The following PAG1 variants were observed in gnomAD, a reference collection of about 807,000 sequenced individuals.
The protein encoded by PAG1 is phosphoprotein associated with glycosphingolipid-enriched microdomains 1.
A neutral mutation model predicts 31.7 loss-of-function variants in PAG1; 23 were observed. The ratio of observed to expected loss-of-function variants is 0.73; its 90% CI spans 0.52 to 1.03. The LOEUF (loss-of-function observed/expected upper bound fraction) is 1.03, where lower values mean the gene tolerates loss of function less well. PAG1 is among the 50% of genes least tolerant of loss of function. The probability of loss-of-function intolerance (pLI) is 0.00; values close to 1 mark genes in which losing one functional copy is unlikely to be tolerated. For synonymous variants in PAG1, 214 were observed against 210.3 expected, an observed-to-expected ratio of 1.02 and a Z score of -0.15; for missense variants, 473 against 540.7, an observed-to-expected ratio of 0.87 and a Z score of 1.24.
chr8:81,036,468 TCA>T (rs1808463604), intron 2 of PAG1, among the ~76,000 whole-genome samples: 1 of 152,178 alleles, frequency 6.6e-6, no homozygotes, highest in African/African-American at 2.4e-5. Context: ...TAGTACATTA[TCA>T]ATATAACAGA....
chr8:81,105,869 C>T (rs751272318), intron 1 of PAG1, among the ~76,000 whole-genome samples: 14 of 152,204 alleles, frequency 9.2e-5, no homozygotes, highest in South Asian at 8.3e-4. Flanking sequence ...TCTCTCAACA[C>T]GGAGATGGCA....
intron 3 of PAG1, among the ~76,000 whole-genome samples, chr8:81,021,834 G>T (rs1354182860): frequency 2.6e-5 from 4 of 152,128 alleles, no homozygotes; most frequent in Non-Finnish European, 5.9e-5. Context: ...GAATGTAGTA[G>T]AGTAGTGTGA....
At chr8:81,010,161 A>G (rs753683415) in intron 3 of PAG1, among the ~76,000 whole-genome samples, 11 of 152,204 alleles carry the variant, frequency 7.2e-5, no homozygotes, top group Non-Finnish European at 1.3e-4. Context: ...GCAATATAAA[A>G]CAGATACAGC....
chr8:81,081,535 A>G (rs1386963839), intron 1 of PAG1, among the ~76,000 whole-genome samples: 1 of 152,108 alleles, frequency 6.6e-6, no homozygotes, highest in Non-Finnish European at 1.5e-5. Flanking sequence ...TCCATCACCA[A>G]GTATTACTCA....
At chr8:81,048,939 C>G (rs186652975) in intron 2 of PAG1, among the ~76,000 whole-genome samples, 2 of 152,208 alleles carry the variant, frequency 1.3e-5, no homozygotes, top group Admixed American at 6.5e-5. Context: ...TAAGGACATA[C>G]AGAGAAAATA....
chr8:81,038,549 A>T (rs1160851435), intron 2 of PAG1, among the ~76,000 whole-genome samples: 1 of 152,110 alleles, frequency 6.6e-6, no homozygotes, highest in Non-Finnish European at 1.5e-5. Context: ...CCGTGTGTGA[A>T]CTGGGGGTTG....
At chr8:81,007,999 A>T (rs1807916410) in intron 3 of PAG1, among the ~76,000 whole-genome samples, 1 of 152,230 alleles carries the variant, frequency 6.6e-6, no homozygotes, top group Non-Finnish European at 1.5e-5. Flanking sequence ...AAGAAAACTC[A>T]TCTAGGAAAA....
intron 1 of PAG1, among the ~76,000 whole-genome samples, chr8:81,102,838 C>T (rs1809630479): frequency 6.6e-6 from 1 of 152,138 alleles, no homozygotes; most frequent in Non-Finnish European, 1.5e-5. Context: ...ATAATAGCTG[C>T]TTTGGCAAGA....
chr8:80,968,754 T>G lies in PAG1; in HGVS notation c.*7790A>C, dbSNP rs554943860. Reference sequence around the variant, plus strand: ...ATATTATATTATCTACAAACCAGGTTTATTCCTGAGTTTAAAAAGAAGAAA... The same window carrying G: ...ATATTATATTATCTACAAACCAGGTGTATTCCTGAGTTTAAAAAGAAGAAA... On this transcript the variant is annotated 3_prime_UTR_variant, in exon 9 of 9. Transcript: ENST00000220597. 2.1e-4 allele frequency: 32 copies of G among 152,326 alleles called. No homozygotes were observed. Among genetic ancestry groups the G allele is most frequent in the Admixed American group, 1.6e-3 (24 of 15,296 alleles). 9.4% of individuals were successfully genotyped at this position (152,326 alleles called of 1,614,324 possible).
rs1311913799 is a variant in PAG1 at position 80,990,337 on chromosome 8, C to G, written c.177+1142G>C. Among the ~76,000 whole-genome samples the G allele has an allele frequency of 6.6e-6, 1 of 152,106 alleles. No homozygotes were observed. The highest frequency in any genetic ancestry group is 1.5e-5 in the Non-Finnish European group (1 of 67,998). On this transcript the variant is annotated intron_variant, in intron 5 of 8. Coordinates refer to ENST00000220597, the MANE Select transcript of PAG1 (RefSeq NM_018440.4). This position sits in a 1 kb window ranked among gnomAD's most constrained non-coding sequence, Gnocchi z 5.1. The stretch of plus-strand genomic sequence containing the variant: ...GAATTGGCAGGTCAGGAAGCCTAGA[C>G]TGGAGATGCCCCTGGTCATCTCTGC...
At chr8:81,017,857 G>T (rs1808098585) in intron 3 of PAG1, among the ~76,000 whole-genome samples, 1 of 152,116 alleles carries the variant, frequency 6.6e-6, no homozygotes, top group African/African-American at 2.4e-5. Flanking sequence ...CAGCCCCTTG[G>T]GTAATTTTAC....
rs148346694 is a variant in PAG1, at chr8:81,100,501, C to T, written c.-234+11090G>A. Among the ~76,000 whole-genome samples, 1,192 of 152,288 alleles carry T rather than the reference C, an allele frequency of 7.8e-3. 19 individuals are homozygous for T. The highest frequency in any genetic ancestry group is 0.026 in the African/African-American group (1,074 of 41,544). Reference sequence around the variant, plus strand: ...TGTATAGCAGCATCCCTGGCCTCTACCCACCAGATGCCAGTAGCATCCCCA... The same window carrying T: ...TGTATAGCAGCATCCCTGGCCTCTATCCACCAGATGCCAGTAGCATCCCCA... On this transcript the variant is annotated intron_variant, in intron 1 of 8. Coordinates refer to ENST00000220597, the MANE Select transcript of PAG1 (RefSeq NM_018440.4).
chr8:81,049,954 G>A (rs1808701045), intron 2 of PAG1, among the ~76,000 whole-genome samples: 1 of 152,100 alleles, frequency 6.6e-6, no homozygotes, highest in Non-Finnish European at 1.5e-5. Context: ...CTGGGACTGG[G>A]GATGGAGAAG....
At chr8:81,012,896 A>G (rs1015061522) in intron 3 of PAG1, among the ~76,000 whole-genome samples, 13 of 152,236 alleles carry the variant, frequency 8.5e-5, no homozygotes, top group African/African-American at 2.9e-4. Flanking sequence ...CTAAGTCTAC[A>G]TACCAGAATT....
At position 81,022,926 on chromosome 8, in the gene PAG1, T is replaced by C. The variant is rs140922883; in HGVS notation, c.-81+7070A>G. Among the ~76,000 whole-genome samples the C allele has an allele frequency of 3.7e-3, 568 of 152,300 alleles. 3 individuals are homozygous for C. Among genetic ancestry groups the C allele is most frequent in the African/African-American group, 0.012 (515 of 41,566 alleles). On this transcript the variant is annotated intron_variant, in intron 3 of 8. Coordinates refer to ENST00000220597, the MANE Select transcript of PAG1 (RefSeq NM_018440.4). ...CTTCTGCAACTGACCAGACCTCATA[T>C]TATCCAATTACCAGTAATCTACTCA...
chr8:81,031,462 A>C (rs989604812), intron 2 of PAG1, among the ~76,000 whole-genome samples: 2 of 152,224 alleles, frequency 1.3e-5, no homozygotes, highest in Non-Finnish European at 2.9e-5. Context: ...CCATGCAGAT[A>C]TATTTAGATG....
intron 3 of PAG1, among the ~76,000 whole-genome samples, chr8:80,998,130 T>C (rs1807718347): frequency 3.2e-4 from 1 of 3,174 alleles, no homozygotes; most frequent in African/African-American, 3.4e-3. Flanking sequence ...CAGGTGTCCT[T>C]TTTTTTTTTT....
At chr8:81,101,197 A>G (rs1809605462) in intron 1 of PAG1, among the ~76,000 whole-genome samples, 1 of 152,204 alleles carries the variant, frequency 6.6e-6, no homozygotes, top group Non-Finnish European at 1.5e-5. Context: ...CCCCAAGACT[A>G]AAAAGCTGTT....
chr8:80,993,560 G>A (rs976612334), intron 3 of PAG1, among the ~76,000 whole-genome samples: 3 of 150,848 alleles, frequency 2.0e-5, no homozygotes, highest in Admixed American at 6.6e-5. Flanking sequence ...AGCAATGGAT[G>A]TCTTATCTTG....
Sources: gnomAD v4.1 joint callset for allele counts (sites outside exome capture counted in the v4.1 genomes callset) on GRCh38, gnomAD v4.1.1 for gene constraint, Gnocchi (gnomAD v3.1) non-coding constraint, MANE v1.5 for transcripts, NCBI Gene and HGNC (gene_info 2026-07-23, HGNC 2026-07-21) for gene names.